The following PPFIA1 variants were observed in gnomAD, a reference collection of about 807,000 sequenced individuals.
PPFIA1 encodes liprin-alpha-1.
PPFIA1 carries 25 observed loss-of-function variants against 149.9 expected under a neutral mutation model. The ratio of observed to expected loss-of-function variants is 0.17; its 90% CI spans 0.12 to 0.23. The LOEUF is 0.23. PPFIA1 is among the 10% of genes least tolerant of loss of function. The pLI, the probability that PPFIA1 is intolerant of heterozygous loss-of-function variation, is 1.00. For missense variants in PPFIA1, 1,362 were observed against 1,506.5 expected (o/e 0.90, Z 1.59); for synonymous variants, 549 against 552.8 (o/e 0.99, Z 0.10).
intron 1 of PPFIA1, 158 bp from the exon 2 acceptor site, chr11:70,272,015 C>T: frequency 2.4e-6 from 2 of 820,232 alleles, no homozygotes; most frequent in Non-Finnish European, 3.9e-6. Flanking sequence ...AATATTTGCC[C>T]TGTGTATGTT....
intron 2 of PPFIA1, among the ~76,000 whole-genome samples, chr11:70,322,543 G>T (rs2054005003): frequency 6.6e-6 from 1 of 152,128 alleles, no homozygotes; most frequent in Non-Finnish European, 1.5e-5. Context: ...AGCACTTACA[G>T]ATCCTTACCA....
At chr11:70,301,355 G>A (rs559166472) in intron 2 of PPFIA1, among the ~76,000 whole-genome samples, 1 of 152,240 alleles carries the variant, frequency 6.6e-6, no homozygotes, top group East Asian at 1.9e-4. Flanking sequence ...ACTTGGTTTT[G>A]GTCCTCACCA....
intron 19 of PPFIA1, among the ~76,000 whole-genome samples, chr11:70,359,645 C>T (rs2056534506): frequency 6.6e-6 from 1 of 152,220 alleles, no homozygotes; most frequent in Non-Finnish European, 1.5e-5. Flanking sequence ...TTCCTCCCAT[C>T]CCTTACATAC....
intron 21 of PPFIA1, among the ~76,000 whole-genome samples, chr11:70,368,409 C>G (rs1403268781): frequency 2.0e-5 from 3 of 152,280 alleles, no homozygotes; most frequent in African/African-American, 7.2e-5. Flanking sequence ...GCCATAGTTT[C>G]AAGACCAACA....
chr11:70,307,699 T>A (rs1425118495), intron 2 of PPFIA1, among the ~76,000 whole-genome samples: 1 of 152,104 alleles, frequency 6.6e-6, no homozygotes, highest in African/African-American at 2.4e-5. Flanking sequence ...GGCAGGAGGA[T>A]CCCTTGAGCC....
chr11:70,334,690 T>C (rs921120591), intron 10 of PPFIA1: 1 of 152,314 alleles, frequency 6.6e-6, no homozygotes, highest in Non-Finnish European at 1.5e-5. Context: ...ACTACCCATG[T>C]TTTCCCAGTG....
At chr11:70,304,578 G>C (rs2052715224) in intron 2 of PPFIA1, among the ~76,000 whole-genome samples, 1 of 152,196 alleles carries the variant, frequency 6.6e-6, no homozygotes, top group Non-Finnish European at 1.5e-5. Context: ...TGGGAACCCT[G>C]ATTCATAGCT....
chr11:70,330,418 A>G, intron 8 of PPFIA1, 99 bp downstream of exon 8: 1 of 1,124,914 alleles, frequency 8.9e-7, no homozygotes, highest in East Asian at 2.7e-5. Context: ...AAGTCCAAAT[A>G]TCAAGTTTTT....
At chr11:70,339,704 T>C (rs2055197760) in intron 14 of PPFIA1, among the ~76,000 whole-genome samples, 1 of 152,010 alleles carries the variant, frequency 6.6e-6, no homozygotes, top group Non-Finnish European at 1.5e-5. Context: ...ATCATGGATT[T>C]AAAGTAGTGA....
In PPFIA1 at chr11:70,355,688, A is replaced by G. The variant is rs775188324; in HGVS notation, c.2365A>G (p.Ser789Gly). 2.5e-6 allele frequency: 4 copies of G among 1,613,934 alleles called. No individual in the cohort carries two copies. The highest frequency in any genetic ancestry group is 1.7e-6 in the Non-Finnish European group (2 of 1,179,990). Residue 789 changes from serine to glycine, a missense_variant, in exon 18 of 28, where the codon AGT becomes GGT. Ser to Gly is a moderately conservative substitution (Grantham distance 56, BLOSUM62 0). Around this residue, in one of 7 missense-constraint regions of PPFIA1, gnomAD observed 733 missense variants for 744.1 expected, o/e 0.99. Coordinates refer to ENST00000253925, the MANE Select transcript of PPFIA1 (RefSeq NM_003626.5). ...GPVSNPSSSN[S>G]SQDSLHKAPK... ...CGTGAGCAACCCCAGCAGTAGCAAC[A>G]GTAGCCAGGACTCGCTCCACAAAGC...
intron 2 of PPFIA1, among the ~76,000 whole-genome samples, chr11:70,295,336 C>CT (rs2051856520): frequency 7.5e-6 from 1 of 133,688 alleles, no homozygotes; most frequent in Non-Finnish European, 1.7e-5. Flanking sequence ...GGGGGCTGAC[C>CT]CCCCCCACCT....
intron 2 of PPFIA1, among the ~76,000 whole-genome samples, chr11:70,322,709 A>G (rs2054013207): frequency 6.6e-6 from 1 of 152,208 alleles, no homozygotes; most frequent in African/African-American, 2.4e-5. Flanking sequence ...TCACTGTATA[A>G]TATGTTTATA....
chr11:70,333,693 C>A, intron 10 of PPFIA1, 140 bp downstream of exon 10: 1 of 696,430 alleles, frequency 1.4e-6, no homozygotes, highest in Non-Finnish European at 2.6e-6. Context: ...ATTTGTTTTG[C>A]ACCCTCATCT....
intron 2 of PPFIA1, among the ~76,000 whole-genome samples, chr11:70,306,817 T>C (rs2052885987): frequency 6.6e-6 from 1 of 152,208 alleles, no homozygotes; most frequent in Non-Finnish European, 1.5e-5. Flanking sequence ...ATATTATAGA[T>C]TGTCACCTGG....
rs529713284 is a variant in PPFIA1, at chr11:70,294,826, C to T, written c.264+22390C>T. ...TTGCACTGCCCTTAATCCATTTAAC[C>T]CTGAGTGGACACAGCACATGTTTCA... On this transcript the variant is annotated intron_variant, in intron 2 of 27. Coordinates refer to ENST00000253925, the MANE Select transcript of PPFIA1 (RefSeq NM_003626.5). Among the ~76,000 whole-genome samples, 318 of 151,434 alleles carry T rather than the reference C, an allele frequency of 2.1e-3. 1 individual carries two copies. Among genetic ancestry groups the T allele is most frequent in the African/African-American group, 7.5e-3 (310 of 41,076 alleles).
chr11:70,298,853 C>G (rs2052276098), intron 2 of PPFIA1, among the ~76,000 whole-genome samples: 1 of 152,194 alleles, frequency 6.6e-6, no homozygotes, highest in South Asian at 2.1e-4. Context: ...GTTACAGTCA[C>G]TTTTTAAACT....
chr11:70,356,324 G>C (rs2056360582), intron 19 of PPFIA1, 70 bp downstream of exon 19: 6 of 1,168,608 alleles, frequency 5.1e-6, no homozygotes, highest in Middle Eastern at 2.0e-4. Context: ...ACTAGTGTTT[G>C]TTAATTATAA....
intron 2 of PPFIA1, among the ~76,000 whole-genome samples, chr11:70,308,114 T>C (rs2052990647): frequency 6.6e-6 from 1 of 152,260 alleles, no homozygotes; most frequent in African/African-American, 2.4e-5. Context: ...AATGGTGCGA[T>C]CTCGGCTCAC....
intron 2 of PPFIA1, 148 bp downstream of exon 2, chr11:70,272,584 TTC>T: frequency 1.0e-6 from 1 of 966,324 alleles, no homozygotes; most frequent in South Asian, 1.7e-5. Context: ...AAATACAAAG[TTC>T]CTAGGGATTA....
Sources: gnomAD v4.1 joint callset for allele counts (sites outside exome capture counted in the v4.1 genomes callset) on GRCh38, gnomAD v4.1.1 for gene constraint, gnomAD v4.1.1 regional missense constraint, MANE v1.5 for transcripts, NCBI Gene and HGNC (gene_info 2026-07-23, HGNC 2026-07-21) for gene names.